Variants in SMYD3 observed in about 807,000 individuals in gnomAD.
The protein encoded by SMYD3 is histone-lysine N-methyltransferase SMYD3.
SMYD3 carries 36 observed loss-of-function variants against 57.7 expected under a neutral mutation model. The observed-to-expected ratio is 0.62, with a 90% confidence interval of 0.48 to 0.82. The LOEUF (loss-of-function observed/expected upper bound fraction) is 0.82. Ranked by LOEUF, SMYD3 falls within the 40% of genes least tolerant of loss-of-function variation. The pLI, the probability that SMYD3 is intolerant of heterozygous loss-of-function variation, is 0.00. For missense variants in SMYD3, 515 were observed against 538.8 expected, an observed-to-expected ratio of 0.96 and a Z score of 0.44; for synonymous variants, 211 against 195.0, an observed-to-expected ratio of 1.08 and a Z score of -0.68.
At chr1:246,049,986 A>G (rs55636411) in intron 5 of SMYD3, among the ~76,000 whole-genome samples, 4,651 of 152,358 alleles carry the variant, frequency 0.031, 96 homozygotes, top group South Asian at 0.043. Context: ...GAAGTTGACT[A>G]TAATATCAAA....
chr1:246,158,009 G>A (rs527790257), intron 5 of SMYD3, among the ~76,000 whole-genome samples: 5 of 152,336 alleles, frequency 3.3e-5, no homozygotes, highest in Non-Finnish European at 5.9e-5. Context: ...ATGGACAGTT[G>A]CAGGTGCAAA....
chr1:245,827,714 T>A (rs2049582148), intron 10 of SMYD3, among the ~76,000 whole-genome samples: 1 of 152,214 alleles, frequency 6.6e-6, no homozygotes, highest in Non-Finnish European at 1.5e-5. Context: ...TGATGAATGC[T>A]TTTTGACTGG....
At chr1:246,158,533 C>T (rs1280939647) in intron 5 of SMYD3, among the ~76,000 whole-genome samples, 1 of 151,904 alleles carries the variant, frequency 6.6e-6, no homozygotes, top group East Asian at 1.9e-4. Flanking sequence ...TGAGAACTAC[C>T]CCGTAGAGTA....
chr1:246,084,080 AT>A (rs2060686557), intron 5 of SMYD3, among the ~76,000 whole-genome samples: 1 of 152,094 alleles, frequency 6.6e-6, no homozygotes, highest in African/African-American at 2.4e-5. Context: ...GCTAAGTAAC[AT>A]ATTAACTTGC....
At chr1:246,307,630 G>A (rs552799479) in intron 5 of SMYD3, among the ~76,000 whole-genome samples, 55 of 151,732 alleles carry the variant, frequency 3.6e-4, no homozygotes, top group Non-Finnish European at 3.1e-4. Context: ...CGTTTTAGCC[G>A]GGATGGTCTC....
At chr1:246,012,701 C>T (rs1179599104) in intron 5 of SMYD3, among the ~76,000 whole-genome samples, 1 of 151,918 alleles carries the variant, frequency 6.6e-6, no homozygotes, top group Non-Finnish European at 1.5e-5. Flanking sequence ...CATCATTTCC[C>T]TTGAGGAAAC....
At chr1:246,292,008 A>T (rs1320769347) in intron 5 of SMYD3, among the ~76,000 whole-genome samples, 1 of 152,092 alleles carries the variant, frequency 6.6e-6, no homozygotes, top group Non-Finnish European at 1.5e-5. Flanking sequence ...TAGACTTACT[A>T]TCCAACACAC....
intron 1 of SMYD3, among the ~76,000 whole-genome samples, chr1:246,448,868 C>T (rs2103027208): frequency 6.6e-6 from 1 of 152,210 alleles, no homozygotes; most frequent in South Asian, 2.1e-4. Flanking sequence ...AGTTGGCTCA[C>T]CTACAGCTTC....
chr1:246,246,596 C>G (rs1013320886), intron 5 of SMYD3, among the ~76,000 whole-genome samples: 2 of 152,040 alleles, frequency 1.3e-5, no homozygotes, highest in Non-Finnish European at 2.9e-5. Flanking sequence ...GCTTCAAATT[C>G]ATAAATAAAT....
At chr1:245,884,165 C>T (rs2052949526) in intron 8 of SMYD3, among the ~76,000 whole-genome samples, 2 of 152,084 alleles carry the variant, frequency 1.3e-5, no homozygotes, top group South Asian at 2.1e-4. Context: ...GTCAGTACAT[C>T]GAATCCAAAT....
intron 10 of SMYD3, among the ~76,000 whole-genome samples, chr1:245,788,493 G>T (rs76712698): frequency 0.019 from 2,864 of 152,214 alleles, 82 homozygotes; most frequent in African/African-American, 0.065. Flanking sequence ...TCCAATTATT[G>T]AAATGAATCA....
intron 10 of SMYD3, among the ~76,000 whole-genome samples, chr1:245,848,181 C>A (rs1026752009): frequency 6.6e-6 from 1 of 151,680 alleles, no homozygotes; most frequent in Non-Finnish European, 1.5e-5. Flanking sequence ...TTCACTGTAG[C>A]CTCGACCTCC....
At chr1:246,481,043 G>A (rs774508892) in intron 1 of SMYD3, among the ~76,000 whole-genome samples, 7 of 152,054 alleles carry the variant, frequency 4.6e-5, no homozygotes, top group East Asian at 1.9e-4. Context: ...CAAGTGATCC[G>A]TCCACCTTGG....
At chr1:246,250,095 A>G (rs897565333) in intron 5 of SMYD3, among the ~76,000 whole-genome samples, 1 of 152,210 alleles carries the variant, frequency 6.6e-6, no homozygotes, top group African/African-American at 2.4e-5. Context: ...AAATTCTATA[A>G]AATCTAAAAC....
At chr1:245,877,404 T>C (rs1471040337) in intron 8 of SMYD3, among the ~76,000 whole-genome samples, 1 of 152,188 alleles carries the variant, frequency 6.6e-6, no homozygotes, top group African/African-American at 2.4e-5. Flanking sequence ...ATGGGCAACA[T>C]GGAGACATGG....
chr1:245,891,243 A>C (rs2053368149), intron 8 of SMYD3, among the ~76,000 whole-genome samples: 1 of 152,248 alleles, frequency 6.6e-6, no homozygotes, highest in African/African-American at 2.4e-5. Flanking sequence ...GTACCACAAA[A>C]GAAATGATAA....
At chr1:246,338,382 C>G in intron 2 of SMYD3, among the ~76,000 whole-genome samples, 1 of 152,214 alleles carries the variant, frequency 6.6e-6, no homozygotes, top group East Asian at 1.9e-4. Flanking sequence ...AACAAACTAA[C>G]CTTGGTCAAG....
At chr1:245,849,292 A>G (rs1042367354) in intron 10 of SMYD3, among the ~76,000 whole-genome samples, 2 of 152,204 alleles carry the variant, frequency 1.3e-5, no homozygotes, top group African/African-American at 2.4e-5. Flanking sequence ...TTGAGTGTTA[A>G]AAGAGGGGAT....
chr1:246,056,884 A>T (rs942467383), intron 5 of SMYD3, among the ~76,000 whole-genome samples: 4 of 152,172 alleles, frequency 2.6e-5, no homozygotes, highest in Admixed American at 2.0e-4. Context: ...CTTACTTAAC[A>T]ATTGGGCACA....
Sources: gnomAD v4.1 joint callset for allele counts (sites outside exome capture counted in the v4.1 genomes callset) on GRCh38, gnomAD v4.1.1 for gene constraint, MANE v1.5 for transcripts, NCBI Gene and HGNC (gene_info 2026-07-23, HGNC 2026-07-21) for gene names.